ZNF800: variants seen among roughly 807,000 people sequenced by gnomAD.
ZNF800 encodes zinc finger protein 800.
In ZNF800, 13 loss-of-function variants were observed where a neutral mutation model predicts 59.5. The ratio of observed to expected loss-of-function variants is 0.22; its 90% CI spans 0.14 to 0.35. ZNF800 has a LOEUF of 0.35. ZNF800 is among the 10% of genes least tolerant of loss of function. The pLI, the probability that ZNF800 is intolerant of heterozygous loss-of-function variation, is 1.00. For missense variants in ZNF800, 621 were observed against 783.7 expected (o/e 0.79, Z 2.48); for synonymous variants, 266 against 265.7 (o/e 1.00, Z -0.01).
chr7:127,379,833 G>GCC (rs1184865878), intron 3 of ZNF800, among the ~76,000 whole-genome samples: 20 of 12,698 alleles, frequency 1.6e-3, no homozygotes, highest in African/African-American at 5.6e-3. Flanking sequence ...CCTTACCCTT[G>GCC]CCACCCCCCC....
At chr7:127,373,200 A>T in intron 5 of ZNF800, 142 bp downstream of exon 5, 1 of 1,455,220 alleles carries the variant, frequency 6.9e-7, no homozygotes, top group Non-Finnish European at 9.0e-7. Flanking sequence ...TGCAATATGC[A>T]CATTACTCTT....
At chr7:127,388,159 C>G (rs867896710) in intron 2 of ZNF800, among the ~76,000 whole-genome samples, 1 of 152,102 alleles carries the variant, frequency 6.6e-6, no homozygotes, top group African/African-American at 2.4e-5. Flanking sequence ...GTTAAATAAG[C>G]TAATGCAAAT....
chr7:127,382,200 C>G (rs148748771), intron 3 of ZNF800, among the ~76,000 whole-genome samples: 10 of 152,248 alleles, frequency 6.6e-5, no homozygotes, highest in African/African-American at 2.4e-4. Flanking sequence ...TATTAAAGAC[C>G]AGTCTTGAAT....
intron 1 of ZNF800, among the ~76,000 whole-genome samples, chr7:127,350,781 G>A (rs1260597706): frequency 1.3e-5 from 2 of 152,144 alleles, no homozygotes; most frequent in East Asian, 1.9e-4. Context: ...AAAGCACCGA[G>A]GCACAATGAC....
chr7:127,350,554 A>C (rs1290458169), intron 1 of ZNF800: 2 of 152,238 alleles, frequency 1.3e-5, no homozygotes, highest in African/African-American at 4.8e-5. Context: ...AATTGCATAG[A>C]ATGGAATTTG....
At chr7:127,385,812 A>T (rs1039814046) in intron 3 of ZNF800, among the ~76,000 whole-genome samples, 1 of 152,100 alleles carries the variant, frequency 6.6e-6, no homozygotes, top group Admixed American at 6.5e-5. Flanking sequence ...ACCACATAAT[A>T]TATTTATTTA....
intron 3 of ZNF800, among the ~76,000 whole-genome samples, chr7:127,384,386 G>A (rs192547854): frequency 6.9e-4 from 105 of 151,230 alleles, no homozygotes; most frequent in African/African-American, 2.4e-3. Flanking sequence ...GGCGCCCGCC[G>A]CCGCCCCCCA....
chr7:127,378,575 T>C (rs1366538960), intron 3 of ZNF800, among the ~76,000 whole-genome samples: 1 of 152,072 alleles, frequency 6.6e-6, no homozygotes, highest in Non-Finnish European at 1.5e-5. Flanking sequence ...TAAACTATCT[T>C]AGAAGTATAA....
At chr7:127,344,888 A>T (rs13239894), downstream of ZNF800, among the ~76,000 whole-genome samples, 16,008 of 152,200 alleles carry the variant, frequency 0.11, 1,077 homozygotes, top group Middle Eastern at 0.27. Flanking sequence ...GAAATAAAAA[A>T]TAGACAGATA....
chr7:127,365,785 A>G (rs1800492751), downstream of ZNF800, among the ~76,000 whole-genome samples: 1 of 152,138 alleles, frequency 6.6e-6, no homozygotes, highest in Non-Finnish European at 1.5e-5. Flanking sequence ...CAGATGTTAC[A>G]TTTGACTTTT....
chr7:127,376,000 T>C (rs1046477182), intron 4 of ZNF800, among the ~76,000 whole-genome samples: 2 of 151,968 alleles, frequency 1.3e-5, no homozygotes, highest in African/African-American at 4.8e-5. Context: ...CATTTCACTC[T>C]ATAAGTTAAC....
In ZNF800 at chr7:127,362,954, G is replaced by A. The variant is rs1430540223; in HGVS notation, n.224+10388C>T. 3.9e-5 allele frequency: 6 copies of A among 152,104 alleles called. No homozygotes were observed. In the East Asian group the frequency reaches 1.2e-3, roughly 29 times the overall value. The allele number at this position is 152,104 out of a possible 1,614,324, so 9.4% of individuals were successfully genotyped here. On this transcript the variant is annotated intron_variant and non_coding_transcript_variant, in intron 1 of 1. Transcript: ENST00000485577. The stretch of plus-strand genomic sequence containing the variant: ...TGATAACAAAACTACTAAAAGTGGA[G>A]ATGGGAAGGGGAAGCAAACGTGAAA...
intron 5 of ZNF800, among the ~76,000 whole-genome samples, chr7:127,372,385 C>A (rs1800655850): frequency 1.3e-5 from 2 of 150,284 alleles, no homozygotes. Flanking sequence ...GAGGCTGAGG[C>A]AGGAGAATTG....
downstream of ZNF800, among the ~76,000 whole-genome samples, chr7:127,346,056 A>G (rs183860582): frequency 1.3e-5 from 2 of 152,182 alleles, no homozygotes; most frequent in Non-Finnish European, 2.9e-5. Flanking sequence ...TTGAAAAGGC[A>G]AGGGGGCTGG....
At chr7:127,391,427 G>T in intron 2 of ZNF800, 70 bp downstream of exon 2, 2 of 1,475,270 alleles carry the variant, frequency 1.4e-6, no homozygotes, top group Non-Finnish European at 9.5e-7. Flanking sequence ...AGGAAAAAAA[G>T]CTAGAAAAAA....
chr7:127,391,881 C>A (rs988856897), intron 1 of ZNF800, among the ~76,000 whole-genome samples, 179 bp downstream of exon 1: 2 of 151,616 alleles, frequency 1.3e-5, no homozygotes, highest in Non-Finnish European at 2.9e-5. Context: ...GCGGCCTCGC[C>A]GTCCCGGGCG....
At chr7:127,365,616 T>A (rs771395185), downstream of ZNF800, among the ~76,000 whole-genome samples, 2 of 152,076 alleles carry the variant, frequency 1.3e-5, no homozygotes, top group Non-Finnish European at 1.5e-5. Flanking sequence ...CAATAAGACA[T>A]TAATCATGAA....
Position 127,382,283 on chromosome 7 carries a change from T to C in ZNF800, c.157+3777A>G, listed in dbSNP as rs530947852. 1.7e-3 allele frequency among the ~76,000 whole-genome samples: 263 copies of C among 152,304 alleles called. 2 individuals are homozygous for C. The highest frequency in any genetic ancestry group is 6.0e-3 in the African/African-American group (248 of 41,564). On this transcript the variant is annotated intron_variant, in intron 3 of 5. Transcript: ENST00000265827. ...ACCATAGGGGCATTCCATAGTTCCTTTGCCTCTAGCACACAACTAAGAAAT... is the reference window on the plus strand; with the variant it reads ...ACCATAGGGGCATTCCATAGTTCCTCTGCCTCTAGCACACAACTAAGAAAT...
chr7:127,388,397 C>T (rs923621271), intron 2 of ZNF800, among the ~76,000 whole-genome samples: 2 of 152,164 alleles, frequency 1.3e-5, no homozygotes, highest in African/African-American at 2.4e-5. Context: ...ATTATAGCAA[C>T]AGGTAACTAC....
Sources: gnomAD v4.1 joint callset for allele counts (sites outside exome capture counted in the v4.1 genomes callset) on GRCh38, gnomAD v4.1.1 for gene constraint, MANE v1.5 for transcripts, NCBI Gene and HGNC (gene_info 2026-07-23, HGNC 2026-07-21) for gene names.